Variants in GABRB1 observed in about 807,000 individuals in gnomAD.
The protein encoded by GABRB1 is gamma-aminobutyric acid receptor subunit beta-1.
In GABRB1, 17 loss-of-function variants were observed where a neutral mutation model predicts 51.6. That is an observed-to-expected ratio of 0.33 (90% CI 0.23 to 0.49). The LOEUF (loss-of-function observed/expected upper bound fraction) is 0.49. GABRB1 is among the 20% of genes least tolerant of loss of function. The pLI, the probability that GABRB1 is intolerant of heterozygous loss-of-function variation, is 0.99. For synonymous variants in GABRB1, 247 were observed against 218.9 expected (o/e 1.13, Z -1.14); for missense variants, 410 against 600.6 (o/e 0.68, Z 3.32).
chr4:47,264,112 A>G (rs1245237171), intron 4 of GABRB1, among the ~76,000 whole-genome samples: 2 of 152,210 alleles, frequency 1.3e-5, no homozygotes, highest in Admixed American at 6.5e-5. Context: ...ACTTCGCTCC[A>G]GCCTGGGCAA....
intron 3 of GABRB1, among the ~76,000 whole-genome samples, chr4:47,039,108 C>T (rs1297009449): frequency 1.3e-5 from 2 of 151,740 alleles, no homozygotes; most frequent in African/African-American, 4.8e-5. Context: ...TAATTCATAT[C>T]AGTGGTGAAA....
At chr4:47,039,862 T>G (rs142493761) in intron 3 of GABRB1, among the ~76,000 whole-genome samples, 4 of 152,316 alleles carry the variant, frequency 2.6e-5, no homozygotes, top group African/African-American at 7.2e-5. Flanking sequence ...GACTGCATGC[T>G]AAAAGCAAGT....
chr4:47,160,831 G>T (rs1455376868), intron 3 of GABRB1, among the ~76,000 whole-genome samples: 1 of 151,650 alleles, frequency 6.6e-6, no homozygotes, highest in Non-Finnish European at 1.5e-5. Context: ...CCATCACCCA[G>T]GCTGGAGTAC....
At chr4:47,111,216 A>C (rs1715196806) in intron 3 of GABRB1, among the ~76,000 whole-genome samples, 1 of 152,122 alleles carries the variant, frequency 6.6e-6, no homozygotes, top group Non-Finnish European at 1.5e-5. Flanking sequence ...GGTACAGTTG[A>C]CAGTTGAAGA....
chr4:47,114,472 C>A (rs554768746), intron 3 of GABRB1, among the ~76,000 whole-genome samples: 5 of 152,126 alleles, frequency 3.3e-5, no homozygotes, highest in Admixed American at 2.0e-4. Context: ...TATTTTGTGG[C>A]CATCTGCCAA....
chr4:47,132,365 G>A (rs1262003409), intron 3 of GABRB1, among the ~76,000 whole-genome samples: 3 of 150,172 alleles, frequency 2.0e-5, no homozygotes, highest in African/African-American at 7.4e-5. Context: ...CTGTGAAGAC[G>A]TTTTTTCGTT....
chr4:47,312,654 C>A (rs1578086331), intron 4 of GABRB1, among the ~76,000 whole-genome samples: 1 of 152,220 alleles, frequency 6.6e-6, no homozygotes, highest in Non-Finnish European at 1.5e-5. Flanking sequence ...AGGGGATTTT[C>A]TTTCACATTT....
chr4:47,163,052 G>A (rs569259188), intron 4 of GABRB1, among the ~76,000 whole-genome samples: 71 of 152,050 alleles, frequency 4.7e-4, no homozygotes, highest in Admixed American at 1.6e-3. Context: ...AGGCCATAAG[G>A]TATAGCAGAG....
At chr4:47,344,886 C>A (rs1386002638) in intron 5 of GABRB1, among the ~76,000 whole-genome samples, 4 of 152,076 alleles carry the variant, frequency 2.6e-5, no homozygotes, top group African/African-American at 9.7e-5. Context: ...CCACGCCCAG[C>A]TAATTTTTGT....
chr4:47,381,264 G>A (rs1727587158), intron 5 of GABRB1, among the ~76,000 whole-genome samples: 1 of 152,032 alleles, frequency 6.6e-6, no homozygotes, highest in Admixed American at 6.5e-5. Flanking sequence ...TTCTGTCTGG[G>A]GCTCACCACA....
At chr4:47,199,193 A>G (rs1016148937) in intron 4 of GABRB1, among the ~76,000 whole-genome samples, 6 of 152,200 alleles carry the variant, frequency 3.9e-5, no homozygotes, top group African/African-American at 1.4e-4. Flanking sequence ...TTCAGCAAAA[A>G]GGAAACAGGA....
At chr4:47,077,968 ATTTT>A (rs1281482718) in intron 3 of GABRB1, among the ~76,000 whole-genome samples, 19 of 100,042 alleles carry the variant, frequency 1.9e-4, no homozygotes, top group African/African-American at 7.6e-4. Flanking sequence ...TTATATATAT[ATTTT>A]ATATATAATA....
chr4:47,392,849 T>A lies in GABRB1; in HGVS notation c.545-10469T>A, dbSNP rs555016730. Among the ~76,000 whole-genome samples the A allele has an allele frequency of 3.9e-4, 59 of 152,246 alleles. 1 individual carries two copies. Among genetic ancestry groups the A allele is most frequent in the African/African-American group, 1.4e-3 (58 of 41,532 alleles). ...CTGGTAATCACAATGCTGGAGCAAA[T>A]AGTTCTTCCCTAGAAGAGAAAGAAG... On this transcript the variant is annotated intron_variant, in intron 5 of 8. Coordinates refer to ENST00000295454, the MANE Select transcript of GABRB1 (RefSeq NM_000812.4).
At chr4:47,419,138 G>C (rs958993416) in intron 8 of GABRB1, among the ~76,000 whole-genome samples, 1 of 152,134 alleles carries the variant, frequency 6.6e-6, no homozygotes, top group African/African-American at 2.4e-5. Flanking sequence ...AGTATTTCAA[G>C]AACTTTGTCT....
chr4:47,172,161 G>C (rs1405675454), intron 4 of GABRB1, among the ~76,000 whole-genome samples: 1 of 152,096 alleles, frequency 6.6e-6, no homozygotes, highest in African/African-American at 2.4e-5. Flanking sequence ...TTTGGAAACA[G>C]TACTTTACTT....
At chr4:47,309,363 A>T (rs1159163916) in intron 4 of GABRB1, among the ~76,000 whole-genome samples, 1 of 152,160 alleles carries the variant, frequency 6.6e-6, no homozygotes, top group East Asian at 1.9e-4. Flanking sequence ...GAAGTGAATA[A>T]TAATGGGCCC....
intron 1 of GABRB1, among the ~76,000 whole-genome samples, chr4:47,016,458 A>G (rs1261740112): frequency 6.6e-6 from 1 of 152,218 alleles, no homozygotes; most frequent in Non-Finnish European, 1.5e-5. Context: ...GTGACACTTT[A>G]GTGAATCATA....
In GABRB1 at chr4:47,182,345, A is replaced by C. The variant is rs1718986643; in HGVS notation, c.461+20876A>C. ...AGATTCATGGTTTCACACTGCAGAA[A>C]AAAGGTATGACATTCAGATTTTCAA... On this transcript the variant is annotated intron_variant, in intron 4 of 8. Coordinates refer to ENST00000295454, the MANE Select transcript of GABRB1 (RefSeq NM_000812.4). 2.0e-5 allele frequency among the ~76,000 whole-genome samples: 3 copies of C among 152,152 alleles called. No homozygotes were observed. In the South Asian group the frequency reaches 6.2e-4, roughly 31 times the overall value.
At chr4:47,264,340 CA>C (rs1334354556) in intron 4 of GABRB1, among the ~76,000 whole-genome samples, 1 of 152,124 alleles carries the variant, frequency 6.6e-6, no homozygotes, top group African/African-American at 2.4e-5. Context: ...AAAAATAAAC[CA>C]GAGAATTTGG....
Sources: gnomAD v4.1 joint callset for allele counts (sites outside exome capture counted in the v4.1 genomes callset) on GRCh38, gnomAD v4.1.1 for gene constraint, MANE v1.5 for transcripts, NCBI Gene and HGNC (gene_info 2026-07-23, HGNC 2026-07-21) for gene names.